The following MARCHF1 variants were observed in gnomAD, a reference collection of about 807,000 sequenced individuals.
The protein encoded by MARCHF1 is E3 ubiquitin-protein ligase MARCHF1.
In MARCHF1, 40 loss-of-function variants were observed where a neutral mutation model predicts 54.2. The observed-to-expected ratio is 0.74, with a 90% CI of 0.57 to 0.96. MARCHF1 has a LOEUF of 0.96. MARCHF1 is among the 40% of genes least tolerant of loss of function. The pLI is 0.00. For synonymous variants in MARCHF1, 236 were observed against 236.3 expected (o/e 1.00, Z 0.01); for missense variants, 586 against 656.5 (o/e 0.89, Z 1.17).
chr4:164,335,573 C>T (rs1360977802), intron 1 of MARCHF1, among the ~76,000 whole-genome samples: 2 of 127,444 alleles, frequency 1.6e-5, no homozygotes, highest in South Asian at 2.7e-4. Context: ...CAAAGCGAGA[C>T]TCCATCTCAA....
chr4:164,144,141 C>A (rs1002972361), intron 1 of MARCHF1, among the ~76,000 whole-genome samples: 3 of 151,420 alleles, frequency 2.0e-5, no homozygotes, highest in African/African-American at 7.3e-5. Flanking sequence ...TATATATGCA[C>A]CCAATACAGG....
rs1296322869 is a variant in MARCHF1 at position 163,806,128 on chromosome 4, T to C, written c.111+47893A>G. Among the ~76,000 whole-genome samples the C allele has an allele frequency of 1.3e-5, 2 of 152,186 alleles. 1 individual carries two copies. The highest frequency in any genetic ancestry group is 1.3e-4 in the Admixed American group (2 of 15,262). ...CTGAAGCATCAAGGTGTAGGTTTAA[T>C]TTAGAAGTTTCACAATAAGAACTCA... On this transcript the variant is annotated intron_variant, in intron 4 of 9. Transcript: ENST00000514618.
At chr4:164,380,505 T>G (rs1731336411) in intron 1 of MARCHF1, among the ~76,000 whole-genome samples, 1 of 152,214 alleles carries the variant, frequency 6.6e-6, no homozygotes. Flanking sequence ...ACATATTTCC[T>G]ACCACTGTTC....
At chr4:163,907,861 T>G (rs1233336172) in intron 3 of MARCHF1, among the ~76,000 whole-genome samples, 2 of 152,146 alleles carry the variant, frequency 1.3e-5, no homozygotes, top group African/African-American at 4.8e-5. Flanking sequence ...CAAGAGTTCC[T>G]GGCACATGAC....
At chr4:164,223,279 A>G (rs1732163262) in intron 1 of MARCHF1, among the ~76,000 whole-genome samples, 1 of 152,098 alleles carries the variant, frequency 6.6e-6, no homozygotes, top group Admixed American at 6.6e-5. Flanking sequence ...TTAAACTGAC[A>G]GCAAAAGATC....
intron 4 of MARCHF1, among the ~76,000 whole-genome samples, chr4:163,776,392 A>G (rs1018558370): frequency 1.3e-5 from 2 of 151,248 alleles, no homozygotes; most frequent in South Asian, 2.1e-4. Context: ...ATAATAAATA[A>G]TATACATATA....
At position 163,827,674 on chromosome 4, in the gene MARCHF1, C is replaced by T. The variant is rs543337703; in HGVS notation, c.111+26347G>A. On this transcript the variant is annotated intron_variant, in intron 4 of 9. Transcript: ENST00000514618. The stretch of plus-strand genomic sequence containing the variant: ...AAAAGTCCTTTCCACTTATTGCAGT[C>T]AATGAAGTTAATCCTAGATATACTC... Among the ~76,000 whole-genome samples the T allele has an allele frequency of 1.3e-4, 20 of 152,124 alleles. No individual in the cohort carries two copies. In the South Asian group the frequency reaches 3.7e-3, roughly 28 times the overall value.
intron 2 of MARCHF1, among the ~76,000 whole-genome samples, chr4:164,109,922 A>G (rs1579543152): frequency 6.7e-6 from 1 of 149,048 alleles, no homozygotes; most frequent in East Asian, 1.9e-4. Flanking sequence ...TAAAAAAAAA[A>G]AAAAAAAAAA....
At chr4:163,722,188 C>T (rs958110488) in intron 4 of MARCHF1, among the ~76,000 whole-genome samples, 1 of 152,084 alleles carries the variant, frequency 6.6e-6, no homozygotes, top group African/African-American at 2.4e-5. Flanking sequence ...TTTCCCTCTA[C>T]ACACTGCTTT....
chr4:164,063,189 A>C (rs1754657749), intron 2 of MARCHF1, among the ~76,000 whole-genome samples: 1 of 152,226 alleles, frequency 6.6e-6, no homozygotes. Context: ...CATTGGCTTC[A>C]ATTTAAAGTC....
intron 1 of MARCHF1, chr4:164,189,503 A>G: frequency 2.7e-6 from 2 of 742,334 alleles, no homozygotes; most frequent in Non-Finnish European, 4.9e-6. Context: ...CTGGTTAAAA[A>G]GTCCTTCAAT....
chr4:164,313,917 A>G (rs1274955764), intron 1 of MARCHF1, among the ~76,000 whole-genome samples: 2 of 152,168 alleles, frequency 1.3e-5, no homozygotes, highest in African/African-American at 2.4e-5. Context: ...TCTAGTTCCT[A>G]TCTTCATTAT....
In MARCHF1 at chr4:164,170,460, C is replaced by A. The variant is rs968903450; in HGVS notation, c.-322-58798G>T. ...TATCAATAAGTGTTTATTGAGCCTG[C>A]ATCAATATAATGAGATAGCATTATC... On this transcript the variant is annotated intron_variant, in intron 1 of 9. Coordinates refer to ENST00000514618, the MANE Select transcript of MARCHF1 (RefSeq NM_001394959.1). 6.1e-4 allele frequency among the ~76,000 whole-genome samples: 93 copies of A among 152,166 alleles called. 1 individual carries two copies. The highest frequency in any genetic ancestry group is 2.1e-3 in the African/African-American group (88 of 41,530).
chr4:164,347,261 A>G lies in MARCHF1; in HGVS notation c.-323+36609T>C, dbSNP rs554002485. On this transcript the variant is annotated intron_variant, in intron 1 of 9. Transcript: ENST00000514618. ...GAATATCCTTATTTTTATTTAATCC[A>G]TCATTTTTCATTGTCAGAGGTGCCA... Among the ~76,000 whole-genome samples, 10 of 152,312 alleles carry G rather than the reference A, an allele frequency of 6.6e-5. No homozygotes were observed. In the South Asian group the frequency reaches 2.1e-3, roughly 32 times the overall value.
chr4:163,872,442 T>C (rs901146706), intron 3 of MARCHF1, among the ~76,000 whole-genome samples: 6 of 152,236 alleles, frequency 3.9e-5, no homozygotes, highest in African/African-American at 1.4e-4. Context: ...CAAAGAATGG[T>C]CTCATGTGAG....
rs541654339 is a variant in MARCHF1 at position 163,960,458 on chromosome 4, C to T, written c.-39+28043G>A. Among the ~76,000 whole-genome samples, 42 of 151,996 alleles carry T rather than the reference C, an allele frequency of 2.8e-4. No homozygotes were observed. In the South Asian group the frequency reaches 7.1e-3, roughly 26 times the overall value. Reference sequence around the variant, plus strand: ...AAGAAAACTTGGTACATTTACATTACGGAATACTATGCAACCATAAAAAAG... The same window carrying T: ...AAGAAAACTTGGTACATTTACATTATGGAATACTATGCAACCATAAAAAAG... On this transcript the variant is annotated intron_variant, in intron 3 of 9. Transcript: ENST00000514618.
intron 8 of MARCHF1, among the ~76,000 whole-genome samples, chr4:163,569,540 C>G (rs550547516): frequency 8.6e-5 from 13 of 151,752 alleles, no homozygotes; most frequent in Admixed American, 2.6e-4. Flanking sequence ...GGTTTACATG[C>G]ATTATCTTAT....
chr4:164,348,520 G>A (rs953858852), intron 1 of MARCHF1, among the ~76,000 whole-genome samples: 1 of 152,098 alleles, frequency 6.6e-6, no homozygotes, highest in Admixed American at 6.5e-5. Context: ...GCTCTCCTTG[G>A]TGCTACATGA....
chr4:164,317,510 G>A (rs1438724975), intron 1 of MARCHF1, among the ~76,000 whole-genome samples: 1 of 152,084 alleles, frequency 6.6e-6, no homozygotes, highest in African/African-American at 2.4e-5. Context: ...CTAAGCAAGA[G>A]GGTGAAAAAG....
Sources: allele counts gnomAD v4.1 joint callset (sites outside exome capture counted in the v4.1 genomes callset), GRCh38; gene constraint gnomAD v4.1.1; transcripts MANE v1.5; gene names NCBI Gene and HGNC (gene_info 2026-07-23, HGNC 2026-07-21).